Variants in BCAS3 observed in about 807,000 individuals in gnomAD.
The protein encoded by BCAS3 is BCAS4/BCAS3 fusion.
A neutral mutation model predicts 116.1 loss-of-function variants in BCAS3; 53 were observed. The ratio of observed to expected loss-of-function variants is 0.46; its 90% confidence interval spans 0.37 to 0.57. The LOEUF is 0.57. BCAS3 is among the 20% of genes least tolerant of loss of function. The pLI, the probability that BCAS3 is intolerant of heterozygous loss-of-function variation, is 0.00. For missense variants in BCAS3, 917 were observed against 1,165.4 expected, an observed-to-expected ratio of 0.79 and a Z score of 3.10; for synonymous variants, 391 against 408.2, an observed-to-expected ratio of 0.96 and a Z score of 0.51.
At chr17:61,210,491 G>A (rs2081393548) in intron 22 of BCAS3, among the ~76,000 whole-genome samples, 1 of 152,242 alleles carries the variant, frequency 6.6e-6, no homozygotes, top group South Asian at 2.1e-4. Context: ...AGAGCCAGCA[G>A]TAAGAAGTAA....
intron 7 of BCAS3, among the ~76,000 whole-genome samples, chr17:60,820,234 A>C (rs1332330844): frequency 6.6e-6 from 1 of 151,922 alleles, no homozygotes; most frequent in Non-Finnish European, 1.5e-5. Context: ...CGCCCGGCTA[A>C]TTTTTTGTAT....
Position 61,032,077 on chromosome 17 carries a change from TC to T in BCAS3, c.1638-2587del, listed in dbSNP as rs2066685307. 6.6e-6 allele frequency among the ~76,000 whole-genome samples: 1 copy of T among 152,128 alleles called. No individual in the cohort carries two copies. Among genetic ancestry groups the T allele is most frequent in the African/African-American group, 2.4e-5 (1 of 41,438 alleles). ...TGTATGTCAAAAAACTAAATTGACG[TC>T]CTCTCATTTTTCTACTTTTTATTAT... On this transcript the variant is annotated intron_variant, in intron 16 of 23. Transcript: ENST00000407086. This position sits in a 1 kb window ranked among gnomAD's most constrained non-coding sequence, Gnocchi z 4.6.
At chr17:60,951,246 TTATTA>T (rs2060814151) in intron 14 of BCAS3, among the ~76,000 whole-genome samples, 2 of 152,118 alleles carry the variant, frequency 1.3e-5, no homozygotes, top group South Asian at 4.1e-4. Context: ...TATTTTTCTC[TTATTA>T]TATTGTCTAG....
At chr17:60,707,906 G>A (rs920642883) in intron 4 of BCAS3, among the ~76,000 whole-genome samples, 1 of 152,108 alleles carries the variant, frequency 6.6e-6, no homozygotes, top group African/African-American at 2.4e-5. Flanking sequence ...GCTAGTCTTT[G>A]TAAAGTATTT....
In BCAS3 at chr17:61,038,056, T is replaced by C; in HGVS notation, c.1928+2T>C. On this transcript the variant is annotated splice_donor_variant, in intron 18 of 23. Transcript: ENST00000407086. LOFTEE classifies it high-confidence loss of function. ...TCGAGCCAGCTGGACTCTGGTTAGG[T>C]AGTACCTCTTTTCTTTTTTTCTTTT... 6.2e-7 allele frequency: 1 copy of C among 1,608,072 alleles called. No homozygotes were observed. Among genetic ancestry groups the C allele is most frequent in the Non-Finnish European group, 8.5e-7 (1 of 1,178,128 alleles).
Position 61,084,655 on chromosome 17 carries a change from T to C in BCAS3, c.2425+91T>C, listed in dbSNP as rs2072929952. The C allele has an allele frequency of 9.1e-7, 1 of 1,093,586 alleles. No homozygotes were observed. 67.7% of individuals were successfully genotyped at this position (1,093,586 alleles called of 1,614,324 possible). A position where few individuals can be genotyped will look rare whatever the true frequency, so the allele number is the denominator to read the frequency against. ...AATGTAGAGGATGACATTTATTTGC[T>C]TTCCTCTCTGTTTTTTTGTTTTGTG... On this transcript the variant is annotated intron_variant, in intron 22 of 23. Transcript: ENST00000407086. The surrounding 1 kb of genome is among the most constrained non-coding windows in gnomAD (Gnocchi z 5.5).
At chr17:60,750,108 A>G (rs1479257382) in intron 6 of BCAS3, among the ~76,000 whole-genome samples, 1 of 152,068 alleles carries the variant, frequency 6.6e-6, no homozygotes, top group Non-Finnish European at 1.5e-5. Flanking sequence ...CAGAGGTTGC[A>G]GTGAGCCGAG....
rs2063720185 is a variant in BCAS3 at position 60,994,505 on chromosome 17, A to AT, written c.1486+4276dup. Among the ~76,000 whole-genome samples, 2 of 152,158 alleles carry AT rather than the reference A, an allele frequency of 1.3e-5. No homozygotes were observed. The highest frequency in any genetic ancestry group is 1.9e-4 in the East Asian group (1 of 5,168). On this transcript the variant is annotated intron_variant, in intron 15 of 23. Transcript: ENST00000407086. The surrounding 1 kb of genome is among the most constrained non-coding windows in gnomAD (Gnocchi z 4.4). ...TCATCTATATCAGTAATTTCTAACAATTTTTTACTATCACAAGCACTTCCT... is the reference window on the plus strand; with the variant it reads ...TCATCTATATCAGTAATTTCTAACAATTTTTTTACTATCACAAGCACTTCCT...
At chr17:60,689,653 A>G (rs1190884779) in intron 3 of BCAS3, 33 bp from the exon 4 acceptor site, 2 of 1,491,214 alleles carry the variant, frequency 1.3e-6, no homozygotes, top group East Asian at 2.3e-5. Flanking sequence ...GCTGTAAAAT[A>G]TGTTTATTCA....
intron 6 of BCAS3, among the ~76,000 whole-genome samples, chr17:60,770,410 T>C: frequency 1.4e-5 from 1 of 69,222 alleles, no homozygotes; most frequent in Non-Finnish European, 2.4e-5. Context: ...CTTTTTTTTT[T>C]TTTTTTTTTT....
chr17:61,387,478 CT>C lies in BCAS3; in HGVS notation c.2594-4491del, dbSNP rs1191528450. On this transcript the variant is annotated intron_variant, in intron 23 of 23. Transcript: ENST00000407086. This position sits in a 1 kb window ranked among gnomAD's most constrained non-coding sequence, Gnocchi z 6.2. ...TGGGGCAGCATGAGGATCCAGCTTG[CT>C]TTTTTTTCACCCTGAGAACAGTAGT... is the stretch of plus-strand genomic sequence containing the variant. 6.6e-6 allele frequency among the ~76,000 whole-genome samples: 1 copy of C among 152,102 alleles called. No individual in the cohort carries two copies. Among genetic ancestry groups the C allele is most frequent in the Non-Finnish European group, 1.5e-5 (1 of 68,012 alleles).
intron 12 of BCAS3, among the ~76,000 whole-genome samples, chr17:60,919,458 G>T (rs1229898953): frequency 2.0e-5 from 3 of 152,092 alleles, no homozygotes; most frequent in African/African-American, 7.2e-5. Context: ...CCGAGCATCT[G>T]GGACTACAGG....
chr17:60,965,881 C>G (rs1445384265), intron 14 of BCAS3, among the ~76,000 whole-genome samples: 1 of 152,126 alleles, frequency 6.6e-6, no homozygotes, highest in African/African-American at 2.4e-5. Flanking sequence ...TAGTTTAACT[C>G]TGCTGTTTCA....
chr17:61,001,080 T>G (rs1272154488), intron 15 of BCAS3, among the ~76,000 whole-genome samples: 1 of 152,194 alleles, frequency 6.6e-6, no homozygotes, highest in Non-Finnish European at 1.5e-5. Flanking sequence ...TTCCTGCAAG[T>G]GTCTCCTTTC....
chr17:61,226,208 C>G lies in BCAS3; in HGVS notation c.2425+141644C>G, dbSNP rs2082364779. Among the ~76,000 whole-genome samples, 1 of 152,108 alleles carries G rather than the reference C, an allele frequency of 6.6e-6. No homozygotes were observed. Among genetic ancestry groups the G allele is most frequent in the African/African-American group, 2.4e-5 (1 of 41,442 alleles). ...AAAATTAAAAAATTCCTAAAATATC[C>G]ACTGACCATAATAGTGTCTATCAAA... On this transcript the variant is annotated intron_variant, in intron 22 of 23. Coordinates refer to ENST00000407086, the MANE Select transcript of BCAS3 (RefSeq NM_017679.5). This position sits in a 1 kb window ranked among gnomAD's most constrained non-coding sequence, Gnocchi z 6.0.
chr17:61,282,730 C>A lies in BCAS3; in HGVS notation c.2426-85597C>A, dbSNP rs1267498577. Among the ~76,000 whole-genome samples, 1 of 152,172 alleles carries A rather than the reference C, an allele frequency of 6.6e-6. No individual in the cohort carries two copies. Among genetic ancestry groups the A allele is most frequent in the African/African-American group, 2.4e-5 (1 of 41,434 alleles). On this transcript the variant is annotated intron_variant, in intron 22 of 23. Transcript: ENST00000407086. The surrounding 1 kb of genome is among the most constrained non-coding windows in gnomAD (Gnocchi z 5.9). ...CCCTTCCAGAAGTCTCTATACCTCA[C>A]TTTGAGAGAATTTCCATTTTGGTTT...
intron 6 of BCAS3, among the ~76,000 whole-genome samples, chr17:60,748,198 T>C (rs2144265831): frequency 6.6e-6 from 1 of 152,332 alleles, no homozygotes; most frequent in Admixed American, 6.5e-5. Context: ...GAGAAAGATG[T>C]TTTTGAAAAC....
chr17:60,769,544 G>C (rs977019283), intron 6 of BCAS3, among the ~76,000 whole-genome samples: 1 of 152,162 alleles, frequency 6.6e-6, no homozygotes. Flanking sequence ...ACCTTTGGAG[G>C]CTGGCTGTGG....
chr17:60,877,573 A>G (rs1036381179), intron 9 of BCAS3, among the ~76,000 whole-genome samples: 1 of 152,228 alleles, frequency 6.6e-6, no homozygotes, highest in Non-Finnish European at 1.5e-5. Flanking sequence ...TTGCTGGACC[A>G]CTGAATAGAT....
Sources: allele counts gnomAD v4.1 joint callset (sites outside exome capture counted in the v4.1 genomes callset), GRCh38; gene constraint gnomAD v4.1.1; non-coding constraint Gnocchi (gnomAD v3.1); transcripts MANE v1.5; gene names NCBI Gene and HGNC (gene_info 2026-07-23, HGNC 2026-07-21).